Variants in DPP10 observed in about 807,000 individuals in gnomAD.
DPP10 encodes dipeptidyl peptidase like 10.
A neutral mutation model predicts 120.9 loss-of-function variants in DPP10; 33 were observed. That is an observed-to-expected ratio of 0.27 (90% CI 0.21 to 0.37). DPP10 has a LOEUF of 0.37. Ranked by LOEUF, DPP10 falls within the 10% of genes least tolerant of loss-of-function variation. The pLI, the probability that DPP10 is intolerant of heterozygous loss-of-function variation, is 1.00. For missense variants in DPP10, 816 were observed against 942.8 expected, an observed-to-expected ratio of 0.87 and a Z score of 1.76; for synonymous variants, 337 against 326.1, an observed-to-expected ratio of 1.03 and a Z score of -0.36.
rs536652914 is a variant in DPP10, at chr2:114,571,872, G to T, written c.60+129034G>T. 2.7e-3 allele frequency among the ~76,000 whole-genome samples: 398 copies of T among 147,350 alleles called. 1 individual carries two copies. The highest frequency in any genetic ancestry group is 5.1e-3 in the Non-Finnish European group (346 of 67,202). On this transcript the variant is annotated intron_variant, in intron 1 of 25. Transcript: ENST00000410059. Reference sequence around the variant, plus strand: ...ATACTACATATATTGTGTATATATTGTATATATATAGTATATAATACAATA... The same window carrying T: ...ATACTACATATATTGTGTATATATTTTATATATATAGTATATAATACAATA...
At chr2:115,005,088 G>A (rs981420139) in intron 1 of DPP10, among the ~76,000 whole-genome samples, 14 of 151,894 alleles carry the variant, frequency 9.2e-5, no homozygotes, top group Admixed American at 6.6e-4. Flanking sequence ...TAACTGGGAG[G>A]CACCCTCCAG....
intron 1 of DPP10, among the ~76,000 whole-genome samples, chr2:115,028,330 T>A (rs189238480): frequency 6.6e-6 from 1 of 152,124 alleles, no homozygotes; most frequent in Non-Finnish European, 1.5e-5. Flanking sequence ...AATATCCTTT[T>A]TAATTTCTTT....
intron 1 of DPP10, among the ~76,000 whole-genome samples, chr2:114,644,208 C>T (rs1695939600): frequency 6.6e-6 from 1 of 150,656 alleles, no homozygotes; most frequent in African/African-American, 2.5e-5. Context: ...TCCCAAAGTG[C>T]TGGGATTACA....
chr2:114,481,890 A>AGGAGAAGAGAGGAGAAG (rs1681079801), intron 1 of DPP10, among the ~76,000 whole-genome samples: 1 of 151,098 alleles, frequency 6.6e-6, no homozygotes, highest in Non-Finnish European at 1.5e-5. Flanking sequence ...AGAGAGAAGA[A>AGGAGAAGAGAGGAGAAG]GGAGAAGAGA....
At chr2:115,621,577 A>C (rs749073104) in intron 5 of DPP10, among the ~76,000 whole-genome samples, 3 of 152,220 alleles carry the variant, frequency 2.0e-5, no homozygotes, top group Admixed American at 6.5e-5. Context: ...TCAGAATGGA[A>C]AACATAACTC....
At chr2:115,520,034 G>A (rs1474748858) in intron 4 of DPP10, among the ~76,000 whole-genome samples, 3 of 152,086 alleles carry the variant, frequency 2.0e-5, no homozygotes, top group Non-Finnish European at 4.4e-5. Context: ...AAACATAAAG[G>A]ATGGCCGGGC....
At chr2:114,651,845 C>A (rs1696610261) in intron 1 of DPP10, among the ~76,000 whole-genome samples, 1 of 152,132 alleles carries the variant, frequency 6.6e-6, no homozygotes, top group Non-Finnish European at 1.5e-5. Context: ...AGCAGGCTTG[C>A]TGGGAGCCTA....
chr2:115,495,713 C>T (rs758073173), intron 3 of DPP10, among the ~76,000 whole-genome samples: 9 of 152,118 alleles, frequency 5.9e-5, no homozygotes, highest in Admixed American at 1.3e-4. Flanking sequence ...GTTAGGGTTA[C>T]TGCAGACTGA....
chr2:115,803,351 A>ATACAG (rs890882830), intron 19 of DPP10, among the ~76,000 whole-genome samples: 5 of 152,234 alleles, frequency 3.3e-5, no homozygotes, highest in Admixed American at 3.3e-4. Context: ...GGTTTTCTGA[A>ATACAG]TACAGCACAC....
chr2:115,189,719 G>A (rs1020678457), intron 1 of DPP10, among the ~76,000 whole-genome samples: 12 of 152,274 alleles, frequency 7.9e-5, no homozygotes, highest in Non-Finnish European at 5.9e-5. Context: ...AATTAATAAT[G>A]TGGAGGACGT....
chr2:115,381,428 A>G (rs1013606214), intron 3 of DPP10, among the ~76,000 whole-genome samples: 3 of 152,054 alleles, frequency 2.0e-5, no homozygotes, highest in East Asian at 1.9e-4. Context: ...ACTTCTCTGT[A>G]TTGGTTATTC....
intron 9 of DPP10, among the ~76,000 whole-genome samples, chr2:115,740,683 G>A (rs975253440): frequency 4.6e-5 from 7 of 152,006 alleles, no homozygotes; most frequent in African/African-American, 1.7e-4. Context: ...TCTATAAGAG[G>A]GTTGCAAAAA....
chr2:114,968,530 G>A (rs1699187788), intron 1 of DPP10, among the ~76,000 whole-genome samples: 1 of 152,124 alleles, frequency 6.6e-6, no homozygotes, highest in African/African-American at 2.4e-5. Flanking sequence ...AGATGAATAA[G>A]ATATTCCAAA....
chr2:115,289,500 A>AGGAAG (rs1553539645), intron 1 of DPP10, among the ~76,000 whole-genome samples: 2,151 of 113,614 alleles, frequency 0.019, 60 homozygotes, highest in African/African-American at 0.057. Flanking sequence ...AAAAAAAAAA[A>AGGAAG]AAAAGGAAGA....
At chr2:115,189,499 T>C (rs2054709574) in intron 1 of DPP10, among the ~76,000 whole-genome samples, 1 of 152,312 alleles carries the variant, frequency 6.6e-6, no homozygotes, top group African/African-American at 2.4e-5. Context: ...AGTTAAACTT[T>C]AAAATGGAGC....
intron 1 of DPP10, among the ~76,000 whole-genome samples, chr2:114,482,262 G>T (rs1322839050): frequency 6.6e-6 from 1 of 152,148 alleles, no homozygotes; most frequent in Non-Finnish European, 1.5e-5. Context: ...CTTGCTAGGG[G>T]TTAGCTGTGG....
chr2:115,035,851 T>C (rs1426003608), intron 1 of DPP10, among the ~76,000 whole-genome samples: 1 of 152,240 alleles, frequency 6.6e-6, no homozygotes, highest in Non-Finnish European at 1.5e-5. Flanking sequence ...CTATGATTAC[T>C]CTTGTATTCG....
intron 5 of DPP10, among the ~76,000 whole-genome samples, chr2:115,644,278 C>T (rs988997536): frequency 6.6e-5 from 10 of 152,018 alleles, no homozygotes; most frequent in East Asian, 3.9e-4. Context: ...TTGTCATTTA[C>T]GTTAGGTATA....
At chr2:115,628,200 A>T (rs371889592) in intron 5 of DPP10, among the ~76,000 whole-genome samples, 1 of 152,250 alleles carries the variant, frequency 6.6e-6, no homozygotes, top group East Asian at 1.9e-4. Flanking sequence ...TAAATTTTTA[A>T]TAATCACCAT....
Sources: gnomAD v4.1 joint callset for allele counts (sites outside exome capture counted in the v4.1 genomes callset) on GRCh38, gnomAD v4.1.1 for gene constraint, MANE v1.5 for transcripts, NCBI Gene and HGNC (gene_info 2026-07-23, HGNC 2026-07-21) for gene names.